Variants in CCDC91 observed in about 807,000 individuals in gnomAD.
CCDC91 encodes coiled-coil domain-containing protein 91.
In CCDC91, 48 loss-of-function variants were observed where a neutral mutation model predicts 63.2. The observed-to-expected ratio is 0.76, with a 90% CI of 0.60 to 0.97. The LOEUF (loss-of-function observed/expected upper bound fraction) is 0.97, where lower values mean the gene tolerates loss of function less well. CCDC91 is among the 50% of genes least tolerant of loss of function. The pLI is 0.00. For synonymous variants in CCDC91, 167 were observed against 165.8 expected, an observed-to-expected ratio of 1.01 and a Z score of -0.06; for missense variants, 500 against 494.6, an observed-to-expected ratio of 1.01 and a Z score of -0.10.
At chr12:28,192,160 G>A (rs1941315158) in intron 1 of CCDC91, among the ~76,000 whole-genome samples, 1 of 152,136 alleles carries the variant, frequency 6.6e-6, no homozygotes, top group East Asian at 1.9e-4. Flanking sequence ...ATTCCAGAGG[G>A]ACATCACTTT....
chr12:28,297,209 AT>A, intron 3 of CCDC91, among the ~76,000 whole-genome samples: 1 of 151,928 alleles, frequency 6.6e-6, no homozygotes, highest in South Asian at 2.1e-4. Context: ...GTGCATGGCT[AT>A]TTTTACCCAT....
intron 12 of CCDC91, among the ~76,000 whole-genome samples, chr12:28,506,994 G>A (rs1441297815): frequency 6.6e-6 from 1 of 151,866 alleles, no homozygotes; most frequent in Non-Finnish European, 1.5e-5. Context: ...TGTAAATGCA[G>A]AATTCATATA....
chr12:28,262,681 G>A (rs1946902473), intron 3 of CCDC91, among the ~76,000 whole-genome samples: 1 of 151,926 alleles, frequency 6.6e-6, no homozygotes, highest in South Asian at 2.1e-4. Flanking sequence ...AATGAAATGT[G>A]CATGCTGATG....
intron 6 of CCDC91, among the ~76,000 whole-genome samples, chr12:28,349,462 G>A (rs1268454102): frequency 6.6e-6 from 1 of 152,142 alleles, no homozygotes; most frequent in Non-Finnish European, 1.5e-5. Flanking sequence ...TTTTATGAGT[G>A]TACAACCTCT....
At chr12:28,539,599 T>A (rs945274164) in intron 12 of CCDC91, among the ~76,000 whole-genome samples, 1 of 152,130 alleles carries the variant, frequency 6.6e-6, no homozygotes, top group African/African-American at 2.4e-5. Flanking sequence ...TTTTTCAACA[T>A]CTGTTTGAGA....
At chr12:28,383,406 C>A (rs1552761) in intron 7 of CCDC91, among the ~76,000 whole-genome samples, 59,610 of 152,018 alleles carry the variant, frequency 0.39, 12,198 homozygotes, top group Middle Eastern at 0.49. Context: ...TACTTCTCTT[C>A]CTTTTTTAAA....
chr12:28,533,416 T>A (rs1271810323), intron 12 of CCDC91, among the ~76,000 whole-genome samples: 2 of 152,078 alleles, frequency 1.3e-5, no homozygotes, highest in Non-Finnish European at 2.9e-5. Flanking sequence ...ATAGTTTACG[T>A]GGCTGTAAAA....
chr12:28,193,799 T>C (rs1430171962), intron 1 of CCDC91, among the ~76,000 whole-genome samples: 1 of 152,224 alleles, frequency 6.6e-6, no homozygotes, highest in Non-Finnish European at 1.5e-5. Context: ...ATTTTTCTTC[T>C]AACATATTGA....
chr12:28,244,871 A>C (rs571739138), intron 1 of CCDC91, among the ~76,000 whole-genome samples: 2 of 93,026 alleles, frequency 2.1e-5, no homozygotes, highest in Admixed American at 2.0e-4. Flanking sequence ...ACTCTGTCTC[A>C]AAAAAAAAAA....
intron 11 of CCDC91, among the ~76,000 whole-genome samples, chr12:28,483,095 A>G (rs1444723135): frequency 6.6e-5 from 10 of 151,966 alleles, no homozygotes; most frequent in Non-Finnish European, 1.3e-4. Flanking sequence ...CATTTTTTAC[A>G]GTAAATAGAT....
chr12:28,283,645 G>A (rs910334501), intron 3 of CCDC91, among the ~76,000 whole-genome samples: 1 of 152,038 alleles, frequency 6.6e-6, no homozygotes, highest in Non-Finnish European at 1.5e-5. Context: ...TCGGATTTTG[G>A]AATATTTGCA....
intron 6 of CCDC91, among the ~76,000 whole-genome samples, chr12:28,309,774 G>T (rs189809047): frequency 6.6e-6 from 1 of 151,908 alleles, no homozygotes; most frequent in Admixed American, 6.6e-5. Context: ...AACAGCTCTC[G>T]CTGAACTCTA....
At chr12:28,474,975 A>T (rs1030786032) in intron 11 of CCDC91, among the ~76,000 whole-genome samples, 2 of 152,092 alleles carry the variant, frequency 1.3e-5, no homozygotes, top group African/African-American at 4.8e-5. Context: ...ACTGGTAAGG[A>T]TGGAATTCAT....
chr12:28,293,688 T>C (rs1019258422), intron 3 of CCDC91, among the ~76,000 whole-genome samples: 5 of 152,272 alleles, frequency 3.3e-5, no homozygotes, highest in Admixed American at 2.6e-4. Flanking sequence ...TAACTTATCC[T>C]TTTCCTATTT....
At chr12:28,463,953 A>C (rs758955172) in intron 11 of CCDC91, among the ~76,000 whole-genome samples, 6 of 152,166 alleles carry the variant, frequency 3.9e-5, no homozygotes, top group Non-Finnish European at 8.8e-5. Context: ...TATTGCTGAC[A>C]GAGACACTGA....
At chr12:28,527,624 G>GC (rs1266628362) in intron 12 of CCDC91, among the ~76,000 whole-genome samples, 5 of 125,346 alleles carry the variant, frequency 4.0e-5, no homozygotes, top group African/African-American at 2.5e-4. Flanking sequence ...ATGGGAGTAT[G>GC]GGGGGGGAAC....
At chr12:28,253,578 C>G (rs149397207) in intron 1 of CCDC91, among the ~76,000 whole-genome samples, 186 of 152,278 alleles carry the variant, frequency 1.2e-3, no homozygotes, top group African/African-American at 3.9e-3. Context: ...TGAGGATTCT[C>G]TTATGTATTC....
intron 2 of CCDC91, among the ~76,000 whole-genome samples, chr12:28,258,419 A>G (rs1326672742): frequency 1.3e-5 from 2 of 152,050 alleles, no homozygotes; most frequent in Non-Finnish European, 2.9e-5. Context: ...AAAAAAATAC[A>G]GTGGATAGTG....
At chr12:28,465,619 G>A (rs1162482144) in intron 11 of CCDC91, among the ~76,000 whole-genome samples, 1 of 152,120 alleles carries the variant, frequency 6.6e-6, no homozygotes, top group African/African-American at 2.4e-5. Context: ...ATTCAGTAAG[G>A]GTCTCCGCTA....
Sources: allele counts gnomAD v4.1 joint callset (sites outside exome capture counted in the v4.1 genomes callset), GRCh38; gene constraint gnomAD v4.1.1; transcripts MANE v1.5; gene names NCBI Gene and HGNC (gene_info 2026-07-23, HGNC 2026-07-21).